Variants in SLX4 observed in about 807,000 individuals in gnomAD.
The protein encoded by SLX4 is structure-specific endonuclease subunit SLX4.
In SLX4, 112 loss-of-function variants were observed where a neutral mutation model predicts 146.2. The ratio of observed to expected loss-of-function variants is 0.77; its 90% CI spans 0.66 to 0.90. SLX4 has a LOEUF of 0.90. Among genes scored for constraint, SLX4 ranks in the 40% least tolerant of loss-of-function variants. The pLI, the probability that SLX4 is intolerant of heterozygous loss-of-function variation, is 0.00. For synonymous variants in SLX4, 1,061 were observed against 997.7 expected (o/e 1.06, Z -1.20); for missense variants, 2,563 against 2,392.7 (o/e 1.07, Z -1.49).
rs1555452306 is a variant in SLX4, at chr16:3,606,645, C to T, written c.589G>A (p.Val197Met). ...QPPPSCLTTA[V>M]PSPSKPRTAQ... is the part of the protein sequence containing the mutation. ...GTGCGGGGTTTGGAGGGACTTGGCACTGCTGTTGTCAAACAGGAAGGAGGA... is the reference window on the plus strand; with the variant it reads ...GTGCGGGGTTTGGAGGGACTTGGCATTGCTGTTGTCAAACAGGAAGGAGGA... The change falls in exon 3 of 15, where the codon GTG becomes ATG. Residue 197 changes from valine (V) to methionine (M), a missense_variant. Coordinates refer to ENST00000294008, the MANE Select transcript of SLX4 (RefSeq NM_032444.4). 6.2e-7 allele frequency: 1 copy of T among 1,614,210 alleles called. No individual in the cohort carries two copies. Among genetic ancestry groups the T allele is most frequent in the Non-Finnish European group, 8.5e-7 (1 of 1,180,046 alleles).
chr16:3,605,673 C>G (rs1313325198), intron 3 of SLX4, among the ~76,000 whole-genome samples: 1 of 151,936 alleles, frequency 6.6e-6, no homozygotes, highest in Non-Finnish European at 1.5e-5. Context: ...GGAGGCCAGG[C>G]ACAGTGGCTC....
In SLX4 at chr16:3,598,601, G is replaced by A. The variant is rs541873908; in HGVS notation, c.1164-602C>T. Among the ~76,000 whole-genome samples, 211 of 152,352 alleles carry A rather than the reference G, an allele frequency of 1.4e-3. 2 individuals carry two copies. Among genetic ancestry groups the A allele is most frequent in the Non-Finnish European group, 2.0e-3 (136 of 68,032 alleles). On this transcript the variant is annotated intron_variant, in intron 5 of 14. Transcript: ENST00000294008. ...TTTCCGGCTGGAGAGAACCTAGGCT[G>A]CCTGGGTGACTCCCAATAAGCTGGG...
At position 3,589,945 on chromosome 16, in the gene SLX4, C is replaced by T. The variant is rs780491010; in HGVS notation, c.3693G>A (p.Arg1231=). The change falls in exon 12 of 15, where the codon AGG becomes AGA. Residue 1231 remains arginine, a synonymous_variant. Transcript: ENST00000294008. This position sits in a 1 kb window ranked among gnomAD's most constrained non-coding sequence, Gnocchi z 6.2. ...ALPENRGSLG[R]RGAPWLFCDR... ...CACAGAACAGCCAGGGAGCCCCTCTCCTGCCCAAAGAGCCCCGATTCTCCG... is the reference window on the plus strand; with the variant it reads ...CACAGAACAGCCAGGGAGCCCCTCTTCTGCCCAAAGAGCCCCGATTCTCCG... The T allele has an allele frequency of 1.2e-6, 2 of 1,613,932 alleles. No homozygotes were observed. Among genetic ancestry groups the T allele is most frequent in the South Asian group, 1.1e-5 (1 of 91,076 alleles).
intron 1 of SLX4, among the ~76,000 whole-genome samples, chr16:3,611,077 C>G (rs1254775155): frequency 6.6e-6 from 1 of 152,224 alleles, no homozygotes; most frequent in African/African-American, 2.4e-5. Flanking sequence ...ATCCTGCAAG[C>G]CTGCAGGTTT....
rs746452357 is a variant in SLX4 at position 3,589,326 on chromosome 16, T to C, written c.4312A>G (p.Ile1438Val). The C allele has an allele frequency of 1.3e-6, 2 of 1,578,398 alleles. No homozygotes were observed. The highest frequency in any genetic ancestry group is 1.7e-6 in the Non-Finnish European group (2 of 1,161,022). ...GTCCGCTCCAGGTTCCAGTGGTCAA[T>C]GGGAATTGGCGAGAGGGGCTCCATG... ...WHMEPLSPIPIDHWNLERTGP... is the reference protein window; with the variant it reads ...WHMEPLSPIPVDHWNLERTGP... The change falls in exon 12 of 15, where the codon ATT becomes GTT. Residue 1438 changes from isoleucine to valine, a missense_variant. Physicochemically the swap from Ile to Val is conservative, Grantham distance 29. Coordinates refer to ENST00000294008, the MANE Select transcript of SLX4 (RefSeq NM_032444.4). This position sits in a 1 kb window ranked among gnomAD's most constrained non-coding sequence, Gnocchi z 6.2.
At chr16:3,602,549 G>A (rs569391056) in intron 3 of SLX4, among the ~76,000 whole-genome samples, 2 of 152,260 alleles carry the variant, frequency 1.3e-5, no homozygotes, top group East Asian at 1.9e-4. Flanking sequence ...GAAGCTTGTC[G>A]ACACTCAGAT....
intron 1 of SLX4, among the ~76,000 whole-genome samples, chr16:3,611,311 C>A (rs531407807): frequency 1.3e-5 from 2 of 152,208 alleles, no homozygotes; most frequent in South Asian, 4.1e-4. Context: ...CCCGGACTGG[C>A]CCGGACGGAG....
At chr16:3,592,988 C>G (rs1567171782) in intron 10 of SLX4, 123 bp from the exon 11 acceptor site, 4 of 982,616 alleles carry the variant, frequency 4.1e-6, no homozygotes, top group Non-Finnish European at 5.9e-6. Context: ...GAGACAGTGT[C>G]TCCCCTTGTC....
Position 3,583,185 on chromosome 16 carries a change from C to G in SLX4, c.5065G>C (p.Gly1689Arg). The G allele has an allele frequency of 6.2e-7, 1 of 1,614,242 alleles. No individual in the cohort carries two copies. Among genetic ancestry groups the G allele is most frequent in the South Asian group, 1.1e-5 (1 of 91,084 alleles). Residue 1689 changes from glycine to arginine, a missense_variant, in exon 14 of 15, where the codon GGC becomes CGC. Gly to Arg is a moderately radical substitution (Grantham distance 125, BLOSUM62 -2). Transcript: ENST00000294008. Reference protein sequence around the residue: ...SRSPTKEAPPGLNDDAQIPAS... With the variant: ...SRSPTKEAPPRLNDDAQIPAS... ...GGGATCTGGGCGTCATCATTGAGGC[C>G]TGGAGGTGCCTCCTTGGTGGGCGAC...
At position 3,608,441 on chromosome 16, in the gene SLX4, T is replaced by G. The variant is rs2040809818; in HGVS notation, c.524A>C (p.Glu175Ala). The G allele has an allele frequency of 1.7e-5, 27 of 1,614,200 alleles. No homozygotes were observed. The South Asian group carries it at 2.9e-4, about 17-fold the overall frequency. The change falls in exon 2 of 15, where the codon GAG becomes GCG. Residue 175 changes from glutamate to alanine, a missense_variant. Glu to Ala is a moderately radical substitution (Grantham distance 107, BLOSUM62 -1). Transcript: ENST00000294008. ...QQEPSPNLSREKTRENVPNSD... is the reference protein window; with the variant it reads ...QQEPSPNLSRAKTRENVPNSD... ...AGAGTACAAATTACCTCTGGTTTTC[T>G]CTCTGGAAAGGTTTGGCGATGGTTC...
At chr16:3,592,972 T>G in intron 10 of SLX4, 107 bp from the exon 11 acceptor site, 1 of 1,202,156 alleles carries the variant, frequency 8.3e-7, no homozygotes, top group Non-Finnish European at 1.1e-6. Context: ...TTTATTTTTC[T>G]TTTTAGAGAC....
chr16:3,611,468 C>G (rs1053030396), intron 1 of SLX4, 92 bp downstream of exon 1: 6 of 152,254 alleles, frequency 3.9e-5, no homozygotes, highest in Non-Finnish European at 5.9e-5. Context: ...GAGAAAGGCT[C>G]TTCTCCCTTA....
intron 5 of SLX4, among the ~76,000 whole-genome samples, chr16:3,598,944 G>T (rs568442982): frequency 2.0e-5 from 3 of 152,196 alleles, no homozygotes; most frequent in South Asian, 2.1e-4. Flanking sequence ...ATGACCACAG[G>T]CTTGGCCTTT....
intron 12 of SLX4, among the ~76,000 whole-genome samples, chr16:3,586,085 T>G (rs2151118979): frequency 6.6e-6 from 1 of 152,288 alleles, no homozygotes; most frequent in South Asian, 2.1e-4. Context: ...GAAAACAGTC[T>G]CGCAGTTCCT....
At chr16:3,599,706 C>T (rs557435849) in intron 5 of SLX4, among the ~76,000 whole-genome samples, 1 of 152,296 alleles carries the variant, frequency 6.6e-6, no homozygotes, top group South Asian at 2.1e-4. Context: ...TCCGCCTCAG[C>T]CTCCCACGTA....
At chr16:3,610,834 T>G (rs2040855462) in intron 1 of SLX4, among the ~76,000 whole-genome samples, 1 of 151,594 alleles carries the variant, frequency 6.6e-6, no homozygotes, top group African/African-American at 2.4e-5. Flanking sequence ...ATAATGGGAG[T>G]AGAGAGAAAG....
chr16:3,586,732 C>G (rs1210328161), intron 12 of SLX4, among the ~76,000 whole-genome samples: 2 of 151,686 alleles, frequency 1.3e-5, no homozygotes, highest in Non-Finnish European at 2.9e-5. Flanking sequence ...GCGGGAGAAT[C>G]GCTTGGACCC....
At chr16:3,599,468 T>C (rs1288076002) in intron 5 of SLX4, among the ~76,000 whole-genome samples, 1 of 152,264 alleles carries the variant, frequency 6.6e-6, no homozygotes, top group Non-Finnish European at 1.5e-5. Context: ...GTGGTTTGCA[T>C]GCTGAGGACT....
rs79842542 is a variant in SLX4, at chr16:3,606,624, G to C, written c.610C>G (p.Arg204Gly). The change falls in exon 3 of 15, where the codon CGC (arginine) becomes GGC (glycine). Residue 204 changes from arginine to glycine, a missense_variant. By Grantham distance (125) the Arg-to-Gly change is moderately radical. Transcript: ENST00000294008. ...TTAVPSPSKP[R>G]TAQLVLQRMQ... ...CGCTGTAGGACCAATTGTGCTGTGCGGGGTTTGGAGGGACTTGGCACTGCT... is the reference window on the plus strand; with the variant it reads ...CGCTGTAGGACCAATTGTGCTGTGCCGGGTTTGGAGGGACTTGGCACTGCT... 55 of 1,614,038 alleles carry C rather than the reference G, an allele frequency of 3.4e-5. No individual in the cohort carries two copies. In the Admixed American group the frequency reaches 9.0e-4, roughly 26 times the overall value.
Sources: gnomAD v4.1 joint callset for allele counts (sites outside exome capture counted in the v4.1 genomes callset) on GRCh38, gnomAD v4.1.1 for gene constraint, Gnocchi (gnomAD v3.1) non-coding constraint, MANE v1.5 for transcripts, NCBI Gene and HGNC (gene_info 2026-07-23, HGNC 2026-07-21) for gene names.